Variants in IL12RB1 observed in about 807,000 individuals in gnomAD.
The protein encoded by IL12RB1 is interleukin 12 receptor subunit beta 1.
In IL12RB1, 64 loss-of-function variants were observed where a neutral mutation model predicts 94.4. That is an observed-to-expected ratio of 0.68 (90% confidence interval 0.55 to 0.83). The LOEUF (loss-of-function observed/expected upper bound fraction) is 0.83. IL12RB1 is among the 40% of genes least tolerant of loss of function. The pLI, the probability that IL12RB1 is intolerant of heterozygous loss-of-function variation, is 0.00. For synonymous variants in IL12RB1, 362 were observed against 355.5 expected, an observed-to-expected ratio of 1.02 and a Z score of -0.21; for missense variants, 814 against 855.6, an observed-to-expected ratio of 0.95 and a Z score of 0.61.
intron 1 of IL12RB1, among the ~76,000 whole-genome samples, chr19:18,094,907 T>C (rs2036818742): frequency 1.3e-5 from 2 of 152,098 alleles, no homozygotes; most frequent in South Asian, 2.1e-4. Context: ...CAGGGGGCGG[T>C]AGCTCACACC....
rs763299053 is a variant in IL12RB1 at position 18,073,504 on chromosome 19, A to T, written c.783+13T>A. The T allele has an allele frequency of 5.1e-6, 8 of 1,565,652 alleles. No individual in the cohort carries two copies. In the East Asian group the frequency reaches 1.8e-4, roughly 35 times the overall value. On this transcript the variant is annotated intron_variant, in intron 8 of 16. Coordinates refer to ENST00000593993, the MANE Select transcript of IL12RB1 (RefSeq NM_005535.3). ...TCCCAGGCCACCCCACAGCCCTGTGACAGCCCCGTTACCTGCTCTTTCAGG... is the reference window on the plus strand; with the variant it reads ...TCCCAGGCCACCCCACAGCCCTGTGTCAGCCCCGTTACCTGCTCTTTCAGG...
chr19:18,080,263 G>A (rs2035798848), intron 4 of IL12RB1, among the ~76,000 whole-genome samples: 1 of 151,766 alleles, frequency 6.6e-6, no homozygotes, highest in South Asian at 2.1e-4. Context: ...TTTTTTAGAT[G>A]GAGTCCTGCT....
At chr19:18,062,403 A>C (rs2146097458) in intron 13 of IL12RB1, 126 bp from the exon 14 acceptor site, 1 of 601,180 alleles carries the variant, frequency 1.7e-6, no homozygotes. Flanking sequence ...CGGGCTTCTC[A>C]CTGGGAGACC....
In IL12RB1 at chr19:18,059,576, G is replaced by A. The variant is rs1358474068; in HGVS notation, c.*32C>T. On this transcript the variant is annotated 3_prime_UTR_variant, in exon 17 of 17. Transcript: ENST00000593993. ...TCCTGTGTGTGCTACGTAGCCTCGGGCGAGTCACTCACCCTCTCTGAGCCT... is the reference window on the plus strand; with the variant it reads ...TCCTGTGTGTGCTACGTAGCCTCGGACGAGTCACTCACCCTCTCTGAGCCT... 3.8e-6 allele frequency: 3 copies of A among 780,020 alleles called. No homozygotes were observed. The highest frequency in any genetic ancestry group is 7.2e-6 in the Non-Finnish European group (3 of 417,612). 48.3% of individuals were successfully genotyped at this position (780,020 alleles called of 1,614,324 possible).
chr19:18,084,508 A>G (rs1042029471), intron 1 of IL12RB1, among the ~76,000 whole-genome samples: 1 of 152,004 alleles, frequency 6.6e-6, no homozygotes, highest in Non-Finnish European at 1.5e-5. Flanking sequence ...GTATTTATCC[A>G]TGCATCCATG....
At chr19:18,075,970 G>T in intron 6 of IL12RB1, 102 bp from the exon 7 acceptor site, 1 of 1,177,368 alleles carries the variant, frequency 8.5e-7, no homozygotes, top group Non-Finnish European at 1.3e-6. Context: ...TGTGTACAGA[G>T]CCACGTGCTG....
chr19:18,061,001 A>G (rs1207553170), intron 15 of IL12RB1, 121 bp downstream of exon 15: 2 of 696,864 alleles, frequency 2.9e-6, no homozygotes, highest in African/African-American at 3.5e-5. Flanking sequence ...AGGGGTATGG[A>G]GCACTGGTTT....
intron 1 of IL12RB1, among the ~76,000 whole-genome samples, chr19:18,093,583 C>T (rs1568532710): frequency 6.6e-6 from 1 of 152,140 alleles, no homozygotes; most frequent in African/African-American, 2.4e-5. Context: ...TTCAGGGAAC[C>T]TCTCTTTCCC....
upstream of IL12RB1, among the ~76,000 whole-genome samples, chr19:18,089,720 G>A (rs2036548302): frequency 6.6e-6 from 1 of 152,198 alleles, no homozygotes; most frequent in Non-Finnish European, 1.5e-5. Flanking sequence ...GAGGGAGAAG[G>A]AGAGGGTCTC....
chr19:18,075,480 C>T (rs1241465123), intron 7 of IL12RB1, among the ~76,000 whole-genome samples: 3 of 151,964 alleles, frequency 2.0e-5, no homozygotes, highest in East Asian at 3.9e-4. Flanking sequence ...AGGCTGGTCT[C>T]GAACTCCTGA....
chr19:18,073,306 T>C (rs1444060367), intron 8 of IL12RB1, among the ~76,000 whole-genome samples: 1 of 152,122 alleles, frequency 6.6e-6, no homozygotes, highest in Non-Finnish European at 1.5e-5. Flanking sequence ...GGAAAGTCTG[T>C]GAACATCTGA....
Position 18,077,523 on chromosome 19 carries a change from C to G in IL12RB1, c.542G>C (p.Trp181Ser). ...CTTGGGAAACAAACTCACCAACTTC[C>G]ATGGGCTGCTGGGTGTCCGGTGCCG... ...QFRHRTPSSP[W>S]KLGDCGPQDD... The change falls in exon 5 of 17, where the codon TGG (tryptophan) becomes TCG (serine). Residue 181 changes from tryptophan to serine, a missense_variant. Trp to Ser is a radical substitution (Grantham distance 177). Coordinates refer to ENST00000593993, the MANE Select transcript of IL12RB1 (RefSeq NM_005535.3). 6.2e-7 allele frequency: 1 copy of G among 1,610,506 alleles called. No homozygotes were observed. Among genetic ancestry groups the G allele is most frequent in the Non-Finnish European group, 8.5e-7 (1 of 1,178,170 alleles).
At chr19:18,063,745 GCTA>G (rs2034347572) in intron 13 of IL12RB1, 128 bp downstream of exon 13, 1 of 797,228 alleles carries the variant, frequency 1.3e-6, no homozygotes, top group African/African-American at 1.7e-5. Context: ...AGTTTGAGCT[GCTA>G]CTTTCTCCTG....
chr19:18,097,920 G>T (rs1212731352), intron 1 of IL12RB1: 2 of 1,050,140 alleles, frequency 1.9e-6, no homozygotes, highest in African/African-American at 1.6e-5. Flanking sequence ...GGGCCTTCAC[G>T]GGCTGTAGGG....
In IL12RB1 at chr19:18,073,832, G is replaced by A. The variant is rs190045886; in HGVS notation, c.701-233C>T. Among the ~76,000 whole-genome samples, 11 of 152,216 alleles carry A rather than the reference G, an allele frequency of 7.2e-5. No individual in the cohort carries two copies. The East Asian group carries it at 1.9e-3, about 27-fold the overall frequency. ...AGGTTTTTTGTTTGTTTGTTTGTTCGTTTGCTTTTTGAGACGAAGTCTCAC... is the reference window on the plus strand; with the variant it reads ...AGGTTTTTTGTTTGTTTGTTTGTTCATTTGCTTTTTGAGACGAAGTCTCAC... On this transcript the variant is annotated intron_variant, in intron 7 of 16. Coordinates refer to ENST00000593993, the MANE Select transcript of IL12RB1 (RefSeq NM_005535.3).
At position 18,072,130 on chromosome 19, in the gene IL12RB1, G is replaced by A. The variant is rs1433885521; in HGVS notation, c.1003C>T (p.Pro335Ser). 3.1e-6 allele frequency: 5 copies of A among 1,613,324 alleles called. No individual in the cohort carries two copies. The highest frequency in any genetic ancestry group is 4.2e-6 in the Non-Finnish European group (5 of 1,179,276). Residue 335 changes from proline to serine, a missense_variant, in exon 9 of 17, where the codon CCT (proline) becomes TCT (serine). By Grantham distance (74) the Pro-to-Ser change is moderately conservative. Coordinates refer to ENST00000593993, the MANE Select transcript of IL12RB1 (RefSeq NM_005535.3). The part of the protein sequence containing the change: ...GPGLNQTWHI[P>S]ADTHTEPVAL... ...GAGGCACCTGTGTGGGTGTCGGCAG[G>A]AATGTGCCACGTCTGGTTCAGGCCA... is the stretch of plus-strand genomic sequence containing the variant.
chr19:18,089,485 C>T (rs1421993504), upstream of IL12RB1, among the ~76,000 whole-genome samples: 7 of 151,700 alleles, frequency 4.6e-5, no homozygotes, highest in South Asian at 2.1e-4. Flanking sequence ...ATTAGCTGGG[C>T]GTGATGGCAT....
In IL12RB1 at chr19:18,083,454, C is replaced by A; in HGVS notation, c.102G>T (p.Pro34=). The A allele has an allele frequency of 6.2e-7, 1 of 1,613,956 alleles. No homozygotes were observed. The highest frequency in any genetic ancestry group is 8.5e-7 in the Non-Finnish European group (1 of 1,179,970). Residue 34 remains proline, a synonymous_variant, in exon 2 of 17, where the codon CCG becomes CCT. Coordinates refer to ENST00000593993, the MANE Select transcript of IL12RB1 (RefSeq NM_005535.3). ...CRTSECCFQD[P]PYPDADSGSA... ...AACCTGAGTCTGCATCCGGATATGG[C>A]GGGTCCTGAAAACAGCACTCACTGG...
At chr19:18,089,440 C>A (rs996061981), upstream of IL12RB1, among the ~76,000 whole-genome samples, 1 of 152,012 alleles carries the variant, frequency 6.6e-6, no homozygotes, top group African/African-American at 2.4e-5. Flanking sequence ...GCCTGGACAA[C>A]ACAGTGAAAC....
Sources: allele counts gnomAD v4.1 joint callset (sites outside exome capture counted in the v4.1 genomes callset), GRCh38; gene constraint gnomAD v4.1.1; transcripts MANE v1.5; gene names NCBI Gene and HGNC (gene_info 2026-07-23, HGNC 2026-07-21).